KDM5B: variants seen among roughly 807,000 people sequenced by gnomAD.
The protein encoded by KDM5B is lysine demethylase 5B, also known as lysine-specific demethylase 5B.
KDM5B carries 144 observed loss-of-function variants against 193.4 expected under a neutral mutation model. That is an observed-to-expected ratio of 0.74 (90% CI 0.65 to 0.86). KDM5B has a LOEUF of 0.86. KDM5B is among the 40% of genes least tolerant of loss of function. The pLI, the probability that KDM5B is intolerant of heterozygous loss-of-function variation, is 0.00. For missense variants in KDM5B, 1,833 were observed against 1,886.9 expected (o/e 0.97, Z 0.53); for synonymous variants, 668 against 682.6 (o/e 0.98, Z 0.33).
rs1039262888 is a variant in KDM5B, at chr1:202,725,412, A to G, written c.*3624T>C. 2 of 152,120 alleles carry G rather than the reference A, an allele frequency of 1.3e-5. No individual in the cohort carries two copies. Among genetic ancestry groups the G allele is most frequent in the Non-Finnish European group, 2.9e-5 (2 of 67,960 alleles). The allele number at this position is 152,120 out of a possible 1,614,324, so 9.4% of individuals were successfully genotyped here. On this transcript the variant is annotated 3_prime_UTR_variant, in exon 27 of 27. Transcript: ENST00000367265. ...TAGGCAGCTTTTCAGTAACATTTCT[A>G]TAATAAGTTACACATGAAGCCTCCC... is the stretch of plus-strand genomic sequence containing the variant.
chr1:202,761,969 G>A (rs1656266978), intron 7 of KDM5B, among the ~76,000 whole-genome samples: 1 of 151,762 alleles, frequency 6.6e-6, no homozygotes, highest in South Asian at 2.1e-4. Context: ...GGGAGAGGGG[G>A]TGGGGCAGAA....
chr1:202,779,659 C>T (rs944882874), intron 1 of KDM5B, among the ~76,000 whole-genome samples: 8 of 151,552 alleles, frequency 5.3e-5, no homozygotes, highest in Non-Finnish European at 1.0e-4. Context: ...AAAAATTAGC[C>T]GGGTGTGGTG....
intron 20 of KDM5B, among the ~76,000 whole-genome samples, chr1:202,736,593 A>G (rs1655105043): frequency 6.6e-6 from 1 of 152,184 alleles, no homozygotes; most frequent in East Asian, 1.9e-4. Context: ...TCATTACACA[A>G]ACAGAGAACC....
rs1658402836 is a variant in KDM5B at position 202,808,337 on chromosome 1, TGGGCTCCGGGACCGAGGCTGC to T, written c.-53_-33del. 2.6e-6 allele frequency: 4 copies of T among 1,536,696 alleles called. No homozygotes were observed. Among genetic ancestry groups the T allele is most frequent in the Non-Finnish European group, 3.5e-6 (4 of 1,145,316 alleles). On this transcript the variant is annotated 5_prime_UTR_variant, in exon 1 of 27. Coordinates refer to ENST00000367265, the MANE Select transcript of KDM5B (RefSeq NM_006618.5). Reference sequence around the variant, plus strand: ...AGGCTGGGCAAGGGCGAGGCGAAGGTGGGCTCCGGGACCGAGGCTGCGAGCTCCGCTCGGTCCGAGACCCGT... The same window carrying T: ...AGGCTGGGCAAGGGCGAGGCGAAGGTGAGCTCCGCTCGGTCCGAGACCCGT...
rs1376754333 is a variant in KDM5B, at chr1:202,761,539, TC to T, written c.919-967del. The stretch of plus-strand genomic sequence containing the variant: ...TTACTTTTTATGGGGTATACTGTAT[TC>T]CCCCCAAAAACTCACATGTTGAAGT... On this transcript the variant is annotated intron_variant, in intron 7 of 26. Coordinates refer to ENST00000367265, the MANE Select transcript of KDM5B (RefSeq NM_006618.5). 2.0e-5 allele frequency among the ~76,000 whole-genome samples: 3 copies of T among 152,056 alleles called. No individual in the cohort carries two copies. In the South Asian group the frequency reaches 6.2e-4, roughly 32 times the overall value.
chr1:202,772,229 C>T (rs997506109), intron 4 of KDM5B, among the ~76,000 whole-genome samples: 7 of 152,158 alleles, frequency 4.6e-5, no homozygotes, highest in African/African-American at 9.7e-5. Context: ...GATAATGACA[C>T]CCCTCTTCTT....
Position 202,760,416 on chromosome 1 carries a change from T to C in KDM5B, c.1076A>G (p.Gln359Arg). 6.3e-7 allele frequency: 1 copy of C among 1,596,680 alleles called. No individual in the cohort carries two copies. The highest frequency in any genetic ancestry group is 8.5e-7 in the Non-Finnish European group (1 of 1,172,740). ...GDWRCPKCLA[Q>R]ECSKPQEAFG... ...GTTACCTCTACTATTAATTATTACC[T>C]GAGCCAAACACTTAGGACACCTCCA... Residue 359 changes from glutamine (Q) to arginine (R), a missense_variant and splice_region_variant, in exon 8 of 27, where the codon CAG becomes CGG. Physicochemically the swap from Gln to Arg is conservative, Grantham distance 43. Transcript: ENST00000367265.
At chr1:202,774,139 GAAA>G (rs1207102652) in intron 3 of KDM5B, among the ~76,000 whole-genome samples, 1 of 152,182 alleles carries the variant, frequency 6.6e-6, no homozygotes, top group Non-Finnish European at 1.5e-5. Context: ...GTGAAAATGA[GAAA>G]AACAGGTGGA....
In KDM5B at chr1:202,764,110, C is replaced by T. The variant is rs3196669; in HGVS notation, c.747G>A (p.Thr249=). The T allele has an allele frequency of 0.75, 1,188,167 of 1,574,566 alleles. 455,551 individuals carry two copies. The highest frequency in any genetic ancestry group is 0.83 in the Admixed American group (43,558 of 52,442). Residue 249 remains threonine (T), a synonymous_variant, in exon 6 of 27, where the codon ACG becomes ACA. Transcript: ENST00000367265. ...GTCTCAGATTATGAGTTCTGGCTTC[C>T]GTTGTCTCCTCGGGTTCTATTTTAA... The part of the protein sequence containing the change: ...MNIKIEPEET[T]EARTHNLRRR...
chr1:202,787,928 C>T (rs752283052), intron 1 of KDM5B, among the ~76,000 whole-genome samples: 1 of 151,908 alleles, frequency 6.6e-6, no homozygotes, highest in East Asian at 1.9e-4. Context: ...TAAATCTGGC[C>T]TCTCACAGAT....
At chr1:202,739,425 A>C (rs1298613896) in intron 20 of KDM5B, among the ~76,000 whole-genome samples, 2 of 149,976 alleles carry the variant, frequency 1.3e-5, no homozygotes, top group Non-Finnish European at 3.0e-5. Flanking sequence ...ATTCTTCACA[A>C]CTTTCCAATA....
At chr1:202,793,603 T>C (rs1268923841) in intron 1 of KDM5B, among the ~76,000 whole-genome samples, 1 of 152,246 alleles carries the variant, frequency 6.6e-6, no homozygotes, top group African/African-American at 2.4e-5. Context: ...ATGGAAATAA[T>C]GGAACACATG....
chr1:202,767,300 T>C, intron 4 of KDM5B: 1 of 1,609,228 alleles, frequency 6.2e-7, no homozygotes, highest in East Asian at 2.2e-5. Flanking sequence ...TACAAACACA[T>C]CTTAGCTAGT....
chr1:202,740,125 C>T lies in KDM5B; in HGVS notation c.3084+549G>A, dbSNP rs1462136581. ...GGGGCTGACCCCCCCCACCTCCCTC[C>T]CGGACGGGGCGGCTGGCCGGGCAGA... is the stretch of plus-strand genomic sequence containing the variant. On this transcript the variant is annotated intron_variant, in intron 20 of 26. Transcript: ENST00000367265. Among the ~76,000 whole-genome samples the T allele has an allele frequency of 3.3e-5, 5 of 151,132 alleles. No individual in the cohort carries two copies. In the South Asian group the frequency reaches 8.4e-4, roughly 25 times the overall value.
In KDM5B at chr1:202,755,359, G is replaced by C. The variant is rs781275004; in HGVS notation, c.1450C>G (p.Leu484Val). ...CACATTCCCACATACAACCAAGGAA[G>C]TTTCATGCCACATATATCAGCAGTA... Reference protein sequence around the residue: ...HITADICGMKLPWLYVGMCFS... With the variant: ...HITADICGMKVPWLYVGMCFS... The change falls in exon 11 of 27, where the codon CTT becomes GTT. Residue 484 changes from leucine (L) to valine (V), a missense_variant. Leu to Val is a conservative substitution (Grantham distance 32, BLOSUM62 1). Coordinates refer to ENST00000367265, the MANE Select transcript of KDM5B (RefSeq NM_006618.5). 16 of 1,613,980 alleles carry C rather than the reference G, an allele frequency of 9.9e-6. No homozygotes were observed. Among genetic ancestry groups the C allele is most frequent in the Middle Eastern group, 3.3e-4 (2 of 6,062 alleles).
chr1:202,754,737 C>T (rs554530224), intron 11 of KDM5B, among the ~76,000 whole-genome samples: 1 of 152,320 alleles, frequency 6.6e-6, no homozygotes, highest in Admixed American at 6.5e-5. Context: ...GGCAGGAGTG[C>T]AATGGTGCGG....
chr1:202,742,886 T>G, intron 16 of KDM5B, 81 bp from the exon 17 acceptor site: 2 of 1,075,260 alleles, frequency 1.9e-6, no homozygotes, highest in Non-Finnish European at 2.7e-6. Flanking sequence ...GAGACTGGTT[T>G]TGTCAGTTCT....
chr1:202,796,272 C>A, intron 1 of KDM5B: 1 of 417,786 alleles, frequency 2.4e-6, no homozygotes. Flanking sequence ...AGCCTCTGTA[C>A]CTATGACCAA....
In KDM5B at chr1:202,733,860, T is replaced by C. The variant is rs1348626218; in HGVS notation, c.3450A>G (p.Leu1150=). ...SAMATLGEAR[L]REMEALQSLR... ...GAGACTGCAAGGCTTCCATTTCCCT[T>C]AGGCGAGCTTCCCCAAGAGTTGCCA... Residue 1150 remains leucine, a synonymous_variant, in exon 23 of 27, where the codon CTA becomes CTG. Transcript: ENST00000367265. The C allele has an allele frequency of 6.2e-7, 1 of 1,612,156 alleles. No homozygotes were observed. The highest frequency in any genetic ancestry group is 8.5e-7 in the Non-Finnish European group (1 of 1,178,968).
Sources: gnomAD v4.1 joint callset for allele counts (sites outside exome capture counted in the v4.1 genomes callset) on GRCh38, gnomAD v4.1.1 for gene constraint, MANE v1.5 for transcripts, NCBI Gene and HGNC (gene_info 2026-07-23, HGNC 2026-07-21) for gene names.